Variants in SLC17A9 observed in about 807,000 individuals in gnomAD.
SLC17A9 encodes solute carrier family 17 member 9, also known as voltage-gated purine nucleotide uniporter SLC17A9.
Under a neutral mutation model 55.0 loss-of-function variants are expected in SLC17A9, and 49 were observed. That is an observed-to-expected ratio of 0.89 (90% CI 0.71 to 1.13). The LOEUF is 1.13. Among genes scored for constraint, SLC17A9 ranks in the 50% most tolerant of loss-of-function variants. SLC17A9 has a pLI of 0.00. For synonymous variants in SLC17A9, 256 were observed against 247.4 expected (o/e 1.03, Z -0.32); for missense variants, 526 against 569.3 (o/e 0.92, Z 0.77).
At chr20:62,955,164 G>A (rs1052533803) in intron 1 of SLC17A9, among the ~76,000 whole-genome samples, 6 of 149,840 alleles carry the variant, frequency 4.0e-5, no homozygotes, top group South Asian at 2.1e-4. Context: ...ATGGAGTCTC[G>A]CTAGGTGGAG....
chr20:62,965,031 C>A, intron 8 of SLC17A9, 101 bp from the exon 9 acceptor site: 3 of 1,376,702 alleles, frequency 2.2e-6, no homozygotes, highest in South Asian at 1.2e-5. Context: ...CAAGCCTCTT[C>A]CTCCCCTGCT....
At chr20:62,963,978 G>A (rs1336752440) in intron 7 of SLC17A9, 2 of 599,726 alleles carry the variant, frequency 3.3e-6, no homozygotes, top group Non-Finnish European at 5.9e-6. Flanking sequence ...AGAGCCTGAG[G>A]AGGCCGGTGC....
intron 9 of SLC17A9, 63 bp from the exon 10 acceptor site, chr20:62,965,547 C>T: frequency 6.7e-7 from 1 of 1,495,336 alleles, no homozygotes; most frequent in Non-Finnish European, 9.2e-7. Context: ...GCAGCTGAGT[C>T]AGGAGAGGGC....
At position 62,968,399 on chromosome 20, in the gene SLC17A9, G is replaced by T. The variant is rs1470654420; in HGVS notation, c.*899G>T. On this transcript the variant is annotated 3_prime_UTR_variant, in exon 13 of 13. Coordinates refer to ENST00000370351, the MANE Select transcript of SLC17A9 (RefSeq NM_022082.4). ...ACGGTTGGCACCTTCCTCGGGGGCG[G>T]GCCCCACGCACCCCAGAACACACAG... 1 of 152,224 alleles carries T rather than the reference G, an allele frequency of 6.6e-6. No homozygotes were observed. The highest frequency in any genetic ancestry group is 1.5e-5 in the Non-Finnish European group (1 of 68,048). 9.4% of individuals were successfully genotyped at this position (152,224 alleles called of 1,614,324 possible).
intron 10 of SLC17A9, 137 bp downstream of exon 10, chr20:62,965,862 T>A: frequency 1.3e-6 from 1 of 763,488 alleles, no homozygotes; most frequent in Non-Finnish European, 2.1e-6. Context: ...TGCTGGGCAG[T>A]GACTGCACTG....
intron 9 of SLC17A9, 85 bp from the exon 10 acceptor site, chr20:62,965,525 G>A: frequency 1.5e-6 from 2 of 1,296,900 alleles, no homozygotes; most frequent in Non-Finnish European, 1.1e-6. Context: ...GTGCGCCCAG[G>A]GGGGCTTTCG....
At chr20:62,955,251 G>A (rs1016639480) in intron 1 of SLC17A9, among the ~76,000 whole-genome samples, 6 of 151,422 alleles carry the variant, frequency 4.0e-5, no homozygotes, top group South Asian at 4.2e-4. Flanking sequence ...AGGTTCAAGC[G>A]ATTCTCCTGC....
rs549513008 is a variant in SLC17A9, at chr20:62,963,580, G to A, written c.726-4G>A. The A allele has an allele frequency of 1.1e-5, 17 of 1,588,038 alleles. 1 individual carries two copies. Among genetic ancestry groups the A allele is most frequent in the South Asian group, 8.0e-5 (7 of 87,166 alleles). ...GAGTCACGGTCCACCATTGGGCCCCGCAGGGCAGCCGTCGTCTCCCAGCTC... is the reference window on the plus strand; with the variant it reads ...GAGTCACGGTCCACCATTGGGCCCCACAGGGCAGCCGTCGTCTCCCAGCTC... On this transcript the variant is annotated splice_region_variant and splice_polypyrimidine_tract_variant and intron_variant, in intron 6 of 12. Coordinates refer to ENST00000370351, the MANE Select transcript of SLC17A9 (RefSeq NM_022082.4).
At chr20:62,966,890 G>A in intron 12 of SLC17A9, 158 bp downstream of exon 12, 1 of 908,982 alleles carries the variant, frequency 1.1e-6, no homozygotes, top group Non-Finnish European at 1.6e-6. Flanking sequence ...GGATGGGGCT[G>A]CCTTCCAGGT....
intron 7 of SLC17A9, chr20:62,963,964 C>T (rs537940976): frequency 3.3e-6 from 2 of 597,514 alleles, no homozygotes; most frequent in Admixed American, 3.0e-5. Context: ...CAGAACCCGA[C>T]TTCAGAGCCT....
In SLC17A9 at chr20:62,963,067, G is replaced by A; in HGVS notation, c.629-206G>A. The stretch of plus-strand genomic sequence containing the variant: ...GGCTCTGGAGGAGGCCGTGTGGAGG[G>A]TCGTTCAGAACGCGGTTCTCAAAGG... On this transcript the variant is annotated intron_variant, in intron 5 of 12. Coordinates refer to ENST00000370351, the MANE Select transcript of SLC17A9 (RefSeq NM_022082.4). 6 of 649,582 alleles carry A rather than the reference G, an allele frequency of 9.2e-6. No homozygotes were observed. The South Asian group carries it at 1.1e-4, about 12-fold the overall frequency. The allele number at this position is 649,582 out of a possible 1,614,324, so 40.2% of individuals were successfully genotyped here.
In SLC17A9 at chr20:62,969,539, C is replaced by T. The variant is rs2065665707; in HGVS notation, c.*2039C>T. 6.6e-6 allele frequency: 1 copy of T among 152,236 alleles called. No individual in the cohort carries two copies. The highest frequency in any genetic ancestry group is 1.5e-5 in the Non-Finnish European group (1 of 68,040). 9.4% of individuals were successfully genotyped at this position (152,236 alleles called of 1,614,324 possible). A position where few individuals can be genotyped will look rare whatever the true frequency, so the allele number is the denominator to read the frequency against. ...GTTTTATCAGTTTTGTCACAAGTGT[C>T]AGCATTTTTCTCATTTTTAAGGCTG... On this transcript the variant is annotated 3_prime_UTR_variant, in exon 13 of 13. Transcript: ENST00000370351.
rs1387790247 is a variant in SLC17A9, at chr20:62,954,442, G to A, written c.59+1553G>A. ...ACCACCTGTTTGCTCAGCCGTGGAT[G>A]CTGCTTCTGCACAGGGGCCGTTTGC... On this transcript the variant is annotated intron_variant, in intron 1 of 12. Coordinates refer to ENST00000370351, the MANE Select transcript of SLC17A9 (RefSeq NM_022082.4). Among the ~76,000 whole-genome samples, 12 of 152,378 alleles carry A rather than the reference G, an allele frequency of 7.9e-5. No individual in the cohort carries two copies. The East Asian group carries it at 2.3e-3, about 29-fold the overall frequency.
Position 62,966,533 on chromosome 20 carries a change from C to T in SLC17A9, c.1070C>T (p.Ser357Phe), listed in dbSNP as rs1342449864. 6.2e-7 allele frequency: 1 copy of T among 1,613,930 alleles called. No individual in the cohort carries two copies. The highest frequency in any genetic ancestry group is 2.2e-5 in the East Asian group (1 of 44,884). The change falls in exon 11 of 13, where the codon TCT becomes TTT. Residue 357 changes from serine to phenylalanine, a missense_variant. Coordinates refer to ENST00000370351, the MANE Select transcript of SLC17A9 (RefSeq NM_022082.4). ...CTCTTTCCTCCCCACAGTGGCATTT[C>T]TGTTAACATCCAGGACTTGGCCCCG... ...GLQTFNHSGI[S>F]VNIQDLAPSC...
At chr20:62,960,698 C>T (rs530633611) in intron 4 of SLC17A9, 95 bp downstream of exon 4, 8 of 1,202,266 alleles carry the variant, frequency 6.7e-6, no homozygotes, top group South Asian at 4.0e-5. Flanking sequence ...GCCACATGGG[C>T]TTGCAGGGCC....
In SLC17A9 at chr20:62,967,464, G is replaced by C. The variant is rs377388441; in HGVS notation, c.1275G>C (p.Gln425His). ...CCTTCCTGGTGTTTGGACAGGCTCAGAGGGTGGACCTGAGCTCTACCCATG... is the reference window on the plus strand; with the variant it reads ...CCTTCCTGGTGTTTGGACAGGCTCACAGGGTGGACCTGAGCTCTACCCATG... ...LCTFLVFGQA[Q>H]RVDLSSTHED... Residue 425 changes from glutamine (Q) to histidine (H), a missense_variant, in exon 13 of 13, where the codon CAG becomes CAC. Gln to His is a conservative substitution (Grantham distance 24). Transcript: ENST00000370351. The C allele has an allele frequency of 7.4e-6, 12 of 1,614,124 alleles. No homozygotes were observed. The highest frequency in any genetic ancestry group is 1.0e-5 in the Non-Finnish European group (12 of 1,179,996).
At chr20:62,953,390 T>C (rs2065509010) in intron 1 of SLC17A9, 1 of 1,279,670 alleles carries the variant, frequency 7.8e-7, no homozygotes, top group Non-Finnish European at 1.1e-6. Flanking sequence ...GAGCATTTGG[T>C]GGTGGGGAGA....
intron 12 of SLC17A9, 76 bp from the exon 13 acceptor site, chr20:62,967,261 A>G (rs1311999009): frequency 2.6e-6 from 4 of 1,562,358 alleles, no homozygotes; most frequent in East Asian, 2.3e-5. Flanking sequence ...CCCTGGCACT[A>G]CCTTGGGAAC....
chr20:62,960,676 C>A (rs1025711314), intron 4 of SLC17A9, 73 bp downstream of exon 4: 3 of 1,429,370 alleles, frequency 2.1e-6, no homozygotes, highest in African/African-American at 1.4e-5. Context: ...CCCTGGTCTG[C>A]GTGGGGGATG....
Sources: gnomAD v4.1 joint callset for allele counts (sites outside exome capture counted in the v4.1 genomes callset) on GRCh38, gnomAD v4.1.1 for gene constraint, MANE v1.5 for transcripts, NCBI Gene and HGNC (gene_info 2026-07-23, HGNC 2026-07-21) for gene names.